Variants in ZC3H7B observed in about 807,000 individuals in gnomAD.
ZC3H7B encodes the protein zinc finger CCCH-type containing 7B.
A neutral mutation model predicts 116.0 loss-of-function variants in ZC3H7B; 35 were observed. That is an observed-to-expected ratio of 0.30 (90% CI 0.23 to 0.40). ZC3H7B has a LOEUF of 0.40. ZC3H7B is among the 10% of genes least tolerant of loss of function. The probability of loss-of-function intolerance (pLI) is 1.00; values close to 1 mark genes in which losing one functional copy is unlikely to be tolerated. For synonymous variants in ZC3H7B, 502 were observed against 545.6 expected (o/e 0.92, Z 1.11); for missense variants, 1,011 against 1,321.5 (o/e 0.77, Z 3.64).
intron 5 of ZC3H7B, among the ~76,000 whole-genome samples, chr22:41,328,377 T>C (rs540506722): frequency 6.6e-6 from 1 of 152,294 alleles, no homozygotes; most frequent in Admixed American, 6.5e-5. Context: ...CAATCTTTGT[T>C]GGGCAAATAC....
chr22:41,343,383 G>A (rs567747307), intron 12 of ZC3H7B, 32 bp from the exon 13 acceptor site: 9 of 1,583,288 alleles, frequency 5.7e-6, no homozygotes, highest in African/African-American at 4.0e-5. Flanking sequence ...TTCTGCTTCC[G>A]GAATTATCAT....
intron 7 of ZC3H7B, chr22:41,333,151 A>T (rs2036403529): frequency 6.6e-6 from 1 of 152,414 alleles, no homozygotes; most frequent in Non-Finnish European, 1.5e-5. Context: ...TCACACAGCG[A>T]GGCAGCAGCA....
chr22:41,349,422 G>C lies in ZC3H7B; in HGVS notation c.1948+121G>C, dbSNP rs1263987317. On this transcript the variant is annotated intron_variant, in intron 16 of 22. Coordinates refer to ENST00000352645, the MANE Select transcript of ZC3H7B (RefSeq NM_017590.6). The surrounding 1 kb of genome is among the most constrained non-coding windows in gnomAD (Gnocchi z 4.9). ...CAGGGCCCCATGGTCGCTGGAGGGGGCTTCGGGAGAGTTCAGGAGAGGTGG... is the reference window on the plus strand; with the variant it reads ...CAGGGCCCCATGGTCGCTGGAGGGGCCTTCGGGAGAGTTCAGGAGAGGTGG... 3.7e-6 allele frequency: 5 copies of C among 1,343,436 alleles called. No homozygotes were observed. Among genetic ancestry groups the C allele is most frequent in the Non-Finnish European group, 4.1e-6 (4 of 987,200 alleles). The allele number at this position is 1,343,436 out of a possible 1,614,324, so 83.2% of individuals were successfully genotyped here.
At chr22:41,331,081 T>C (rs1014103877) in intron 6 of ZC3H7B, among the ~76,000 whole-genome samples, 7 of 140,754 alleles carry the variant, frequency 5.0e-5, no homozygotes, top group African/African-American at 1.8e-4. Context: ...GTGGTCTCGA[T>C]CTCCTGACCT....
At chr22:41,304,952 C>T (rs1415231197) in intron 1 of ZC3H7B, among the ~76,000 whole-genome samples, 3 of 152,150 alleles carry the variant, frequency 2.0e-5, no homozygotes, top group Admixed American at 6.6e-5. Flanking sequence ...AGGGACTGTC[C>T]TATAATCCCA....
rs971404779 is a variant in ZC3H7B, at chr22:41,359,650, C to T, written c.*2221C>T. On this transcript the variant is annotated 3_prime_UTR_variant, in exon 23 of 23. Coordinates refer to ENST00000352645, the MANE Select transcript of ZC3H7B (RefSeq NM_017590.6). ...CAAGTCCAGAGTTTTCATCTTCAGCCTGTGATCTGTCCAGGGACCCTTGGG... is the reference window on the plus strand; with the variant it reads ...CAAGTCCAGAGTTTTCATCTTCAGCTTGTGATCTGTCCAGGGACCCTTGGG... The T allele has an allele frequency of 6.6e-6, 1 of 152,270 alleles. No homozygotes were observed. Among genetic ancestry groups the T allele is most frequent in the Non-Finnish European group, 1.5e-5 (1 of 68,084 alleles). The allele number at this position is 152,270 out of a possible 1,614,324, so 9.4% of individuals were successfully genotyped here.
intron 7 of ZC3H7B, chr22:41,335,548 G>A (rs1406131634): frequency 6.6e-6 from 1 of 152,218 alleles, no homozygotes; most frequent in African/African-American, 2.4e-5. Context: ...TTTCCCTAGA[G>A]ATGTTCATCT....
chr22:41,346,008 A>G lies in ZC3H7B; in HGVS notation c.1465A>G (p.Ile489Val). ...VGSYYLCKDMINKQDCKYGDN... is the reference protein window; with the variant it reads ...VGSYYLCKDMVNKQDCKYGDN... ...GTCCTGTTGCCTCTTTGCAGACATG[A>G]TTAACAAGCAGGACTGTAAGTACGG... The change falls in exon 14 of 23, where the codon ATT becomes GTT. Residue 489 changes from isoleucine to valine, a missense_variant. By Grantham distance (29) the Ile-to-Val change is conservative. Around this residue, in one of 5 missense-constraint regions of ZC3H7B, gnomAD observed 179 missense variants for 178.5 expected, o/e 1.00. Transcript: ENST00000352645. The surrounding 1 kb of genome is among the most constrained non-coding windows in gnomAD (Gnocchi z 5.3). The G allele has an allele frequency of 6.2e-7, 1 of 1,614,054 alleles. No homozygotes were observed. The highest frequency in any genetic ancestry group is 8.5e-7 in the Non-Finnish European group (1 of 1,179,998).
At chr22:41,348,509 G>A (rs952436779) in intron 15 of ZC3H7B, among the ~76,000 whole-genome samples, 4 of 152,180 alleles carry the variant, frequency 2.6e-5, no homozygotes, top group African/African-American at 4.8e-5. Context: ...GGGGGGCCTC[G>A]TCTCTGACTG....
chr22:41,353,810 C>T (rs1466427270), intron 17 of ZC3H7B, among the ~76,000 whole-genome samples: 2 of 149,202 alleles, frequency 1.3e-5, no homozygotes, highest in African/African-American at 4.8e-5. Context: ...CTTTTTCTCC[C>T]CTCTTCCTGG....
Position 41,340,017 on chromosome 22 carries a change from G to C in ZC3H7B, c.1018G>C (p.Asp340His). ...KLAASVLDAL[D>H]PPGPTLDPLD... Reference sequence around the variant, plus strand: ...GGCCGCCTCTGTGCTGGATGCCCTCGATCCCCCGGGCCCCACGCTGGACCC... The same window carrying C: ...GGCCGCCTCTGTGCTGGATGCCCTCCATCCCCCGGGCCCCACGCTGGACCC... Residue 340 changes from aspartate to histidine, a missense_variant, in exon 10 of 23, where the codon GAT becomes CAT. Coordinates refer to ENST00000352645, the MANE Select transcript of ZC3H7B (RefSeq NM_017590.6). 6.2e-7 allele frequency: 1 copy of C among 1,610,892 alleles called. No homozygotes were observed. Among genetic ancestry groups the C allele is most frequent in the African/African-American group, 1.3e-5 (1 of 74,994 alleles).
At chr22:41,309,218 G>C (rs1438939050) in intron 1 of ZC3H7B, among the ~76,000 whole-genome samples, 1 of 152,002 alleles carries the variant, frequency 6.6e-6, no homozygotes, top group South Asian at 2.1e-4. Context: ...CACCGTGTTA[G>C]CCAGGATGGT....
At chr22:41,316,234 C>T (rs2036181641) in intron 1 of ZC3H7B, among the ~76,000 whole-genome samples, 2 of 152,114 alleles carry the variant, frequency 1.3e-5, no homozygotes, top group East Asian at 3.9e-4. Context: ...CTCAGGTTAT[C>T]CGCCAACCTT....
chr22:41,312,463 AAT>A (rs1208822451), intron 1 of ZC3H7B, among the ~76,000 whole-genome samples: 1 of 150,564 alleles, frequency 6.6e-6, no homozygotes, highest in Non-Finnish European at 1.5e-5. Flanking sequence ...TAATAATAAT[AAT>A]ACGTCCTACA....
rs1256569261 is a variant in ZC3H7B, at chr22:41,346,513, T to A, written c.1665+305T>A. Among the ~76,000 whole-genome samples, 1 of 152,198 alleles carries A rather than the reference T, an allele frequency of 6.6e-6. No homozygotes were observed. Among genetic ancestry groups the A allele is most frequent in the Non-Finnish European group, 1.5e-5 (1 of 68,034 alleles). ...GTCATAGGCAGGGCTTGGCACGTGG[T>A]TGTTTTCGTTTCTCATTCCTAGCCT... On this transcript the variant is annotated intron_variant, in intron 14 of 22. Coordinates refer to ENST00000352645, the MANE Select transcript of ZC3H7B (RefSeq NM_017590.6). This position sits in a 1 kb window ranked among gnomAD's most constrained non-coding sequence, Gnocchi z 5.3.
intron 1 of ZC3H7B, among the ~76,000 whole-genome samples, chr22:41,312,645 C>T (rs542875154): frequency 1.3e-5 from 2 of 151,062 alleles, no homozygotes; most frequent in African/African-American, 2.4e-5. Flanking sequence ...TGGTGGCTCA[C>T]GCCTGTACTC....
In ZC3H7B at chr22:41,325,577, C is replaced by T. The variant is rs1374073975; in HGVS notation, c.67C>T (p.Leu23=). 11 of 1,611,642 alleles carry T rather than the reference C, an allele frequency of 6.8e-6. No individual in the cohort carries two copies. The highest frequency in any genetic ancestry group is 1.3e-5 in the African/African-American group (1 of 75,006). ...TTTTCCTGATAGGTCGACACTACCC[C>T]TAAAGCAAGAAGAATATGAGGTGAG... ...GLQFIQSTLP[L]KQEEYEAFLL... Residue 23 remains leucine (L), a synonymous_variant, in exon 3 of 23, where the codon CTA becomes TTA. Transcript: ENST00000352645.
At position 41,346,143 on chromosome 22, in the gene ZC3H7B, CG is replaced by C. The variant is rs1569241724; in HGVS notation, c.1601del (p.Arg534ProfsTer10). ...LLFDPLGGVK[R>X]GSLTIAKLLK... Reference sequence around the variant, plus strand: ...CTTCGACCCGCTGGGGGGTGTTAAGCGCGGCAGCCTCACCATCGCCAAGCTC... The same window carrying C: ...CTTCGACCCGCTGGGGGGTGTTAAGCCGGCAGCCTCACCATCGCCAAGCTC... On this transcript the variant is annotated frameshift_variant, in exon 14 of 23. Coordinates refer to ENST00000352645, the MANE Select transcript of ZC3H7B (RefSeq NM_017590.6). LOFTEE classifies it high-confidence loss of function. The surrounding 1 kb of genome is among the most constrained non-coding windows in gnomAD (Gnocchi z 5.3). 1 of 1,613,036 alleles carries C rather than the reference CG, an allele frequency of 6.2e-7. No homozygotes were observed. The highest frequency in any genetic ancestry group is 8.5e-7 in the Non-Finnish European group (1 of 1,179,996).
Position 41,358,608 on chromosome 22 carries a change from GTA to G in ZC3H7B, c.*1181_*1182del, listed in dbSNP as rs1382271336. The G allele has an allele frequency of 1.3e-5, 2 of 152,516 alleles. No individual in the cohort carries two copies. Among genetic ancestry groups the G allele is most frequent in the African/African-American group, 4.8e-5 (2 of 41,392 alleles). The allele number at this position is 152,516 out of a possible 1,614,324, so 9.4% of individuals were successfully genotyped here. A position where few individuals can be genotyped will look rare whatever the true frequency, so the allele number is the denominator to read the frequency against. ...ACGGCCCCTCTTTCTTGGGGACCCA[GTA>G]TGTCCTCTCCTCTAGACCCAGACAT... On this transcript the variant is annotated 3_prime_UTR_variant, in exon 23 of 23. Transcript: ENST00000352645.
Sources: allele counts gnomAD v4.1 joint callset (sites outside exome capture counted in the v4.1 genomes callset), GRCh38; gene constraint gnomAD v4.1.1; regional missense constraint gnomAD v4.1.1; non-coding constraint Gnocchi (gnomAD v3.1); transcripts MANE v1.5; gene names NCBI Gene and HGNC (gene_info 2026-07-23, HGNC 2026-07-21).